The following PDSS2 variants were observed in gnomAD, a reference collection of about 807,000 sequenced individuals.
The protein encoded by PDSS2 is decaprenyl diphosphate synthase subunit 2, also known as all trans-polyprenyl-diphosphate synthase PDSS2.
A neutral mutation model predicts 44.5 loss-of-function variants in PDSS2; 31 were observed. The ratio of observed to expected loss-of-function variants is 0.70; its 90% CI spans 0.52 to 0.94. PDSS2 has a LOEUF of 0.94. PDSS2 is among the 40% of genes least tolerant of loss of function. PDSS2 has a pLI of 0.00. For missense variants in PDSS2, 452 were observed against 482.2 expected (o/e 0.94, Z 0.59); for synonymous variants, 157 against 180.3 (o/e 0.87, Z 1.03).
At chr6:107,367,274 A>G (rs1047665802) in intron 1 of PDSS2, among the ~76,000 whole-genome samples, 7 of 152,226 alleles carry the variant, frequency 4.6e-5, no homozygotes, top group African/African-American at 1.7e-4. Flanking sequence ...ACAGATGCAG[A>G]AAAGCATTTA....
chr6:107,155,526 AC>A (rs1770856239), intron 7 of PDSS2, among the ~76,000 whole-genome samples: 1 of 151,826 alleles, frequency 6.6e-6, no homozygotes, highest in Admixed American at 6.6e-5. Flanking sequence ...ATATGTTGAC[AC>A]AATAGTCCAT....
At chr6:107,246,714 CAT>C (rs1331151697) in intron 3 of PDSS2, among the ~76,000 whole-genome samples, 3 of 152,208 alleles carry the variant, frequency 2.0e-5, no homozygotes, top group African/African-American at 4.8e-5. Flanking sequence ...CATTTTAACA[CAT>C]GAGCACTTAT....
intron 7 of PDSS2, among the ~76,000 whole-genome samples, chr6:107,184,955 C>T: frequency 6.6e-6 from 1 of 151,030 alleles, no homozygotes; most frequent in South Asian, 2.1e-4. Context: ...AGTCATGAGA[C>T]AAATGATATG....
In PDSS2 at chr6:107,459,559, A is replaced by G; in HGVS notation, c.-274T>C. On this transcript the variant is annotated 5_prime_UTR_variant, in exon 1 of 8. Transcript: ENST00000369037. The surrounding 1 kb of genome is among the most constrained non-coding windows in gnomAD (Gnocchi z 4.3). Reference sequence around the variant, plus strand: ...GCCTATGTGGAGGACGCCATATTGGAGGCATGGAATGCGGCCTGCCGTAAA... The same window carrying G: ...GCCTATGTGGAGGACGCCATATTGGGGGCATGGAATGCGGCCTGCCGTAAA... 3 of 497,042 alleles carry G rather than the reference A, an allele frequency of 6.0e-6. No homozygotes were observed. Among genetic ancestry groups the G allele is most frequent in the South Asian group, 4.7e-5 (2 of 42,254 alleles). The allele number at this position is 497,042 out of a possible 1,614,324, so 30.8% of individuals were successfully genotyped here.
chr6:107,333,736 A>G (rs1777784652), intron 2 of PDSS2, among the ~76,000 whole-genome samples: 1 of 152,114 alleles, frequency 6.6e-6, no homozygotes, highest in African/African-American at 2.4e-5. Context: ...AGGGCTCACC[A>G]TGTTGTCCAG....
At chr6:107,192,225 T>C (rs1582763237) in intron 7 of PDSS2, 1 of 313,182 alleles carries the variant, frequency 3.2e-6, no homozygotes, top group Non-Finnish European at 6.1e-6. Context: ...GAGTGGCAGA[T>C]ATGGAAGCCC....
chr6:107,195,390 G>A (rs953299861), intron 6 of PDSS2, among the ~76,000 whole-genome samples: 2 of 150,138 alleles, frequency 1.3e-5, no homozygotes, highest in Non-Finnish European at 2.9e-5. Context: ...GCTGAGGTGA[G>A]AGGACTGCCT....
chr6:107,410,967 C>T (rs894806676), intron 1 of PDSS2, among the ~76,000 whole-genome samples: 4 of 152,116 alleles, frequency 2.6e-5, no homozygotes, highest in African/African-American at 9.7e-5. Flanking sequence ...TCACTGCAAC[C>T]TCTGCCCCCT....
chr6:107,200,930 G>A (rs1191243319), intron 6 of PDSS2, among the ~76,000 whole-genome samples: 1 of 152,076 alleles, frequency 6.6e-6, no homozygotes, highest in Non-Finnish European at 1.5e-5. Context: ...CTCCCAAAGC[G>A]TTGGGATTAC....
At chr6:107,216,193 G>C (rs1346871907) in intron 4 of PDSS2, among the ~76,000 whole-genome samples, 1 of 151,648 alleles carries the variant, frequency 6.6e-6, no homozygotes. Flanking sequence ...TAGGAATAAG[G>C]CCAGGTGAGG....
intron 1 of PDSS2, among the ~76,000 whole-genome samples, chr6:107,391,554 C>A (rs1779781801): frequency 1.3e-5 from 2 of 151,936 alleles, no homozygotes; most frequent in African/African-American, 4.8e-5. Context: ...ATGCTTTACC[C>A]CATTCAATAG....
At chr6:107,196,432 C>T (rs1223949767) in intron 6 of PDSS2, among the ~76,000 whole-genome samples, 2 of 152,328 alleles carry the variant, frequency 1.3e-5, no homozygotes, top group East Asian at 1.9e-4. Context: ...TTCTCAAACT[C>T]GCAGCTGACT....
In PDSS2 at chr6:107,176,429, T is replaced by TACACACACAC. The variant is rs71012784; in HGVS notation, c.1041+17383_1041+17392dup. 1.9e-3 allele frequency among the ~76,000 whole-genome samples: 279 copies of TACACACACAC among 149,800 alleles called. 1 individual carries two copies. Among genetic ancestry groups the TACACACACAC allele is most frequent in the African/African-American group, 6.3e-3 (256 of 40,626 alleles). ...TTCCCCCTTAACACACACACACACATACACACACACACACACACACACACA... is the reference window on the plus strand; with the variant it reads ...TTCCCCCTTAACACACACACACACATACACACACACACACACACACACACACACACACACA... On this transcript the variant is annotated intron_variant, in intron 7 of 7. Coordinates refer to ENST00000369037, the MANE Select transcript of PDSS2 (RefSeq NM_020381.4).
intron 4 of PDSS2, among the ~76,000 whole-genome samples, chr6:107,231,963 A>C (rs1361320683): frequency 7.3e-5 from 1 of 13,756 alleles, no homozygotes; most frequent in Non-Finnish European, 9.8e-5. Flanking sequence ...ACTCTGTCTC[A>C]AAAAAAAAAA....
intron 6 of PDSS2, among the ~76,000 whole-genome samples, chr6:107,195,992 A>G (rs1481261662): frequency 1.3e-5 from 2 of 152,198 alleles, no homozygotes; most frequent in African/African-American, 2.4e-5. Context: ...CAACCAATCT[A>G]CTATAAAAAG....
chr6:107,159,002 T>C (rs1771016268), intron 7 of PDSS2, among the ~76,000 whole-genome samples: 1 of 152,154 alleles, frequency 6.6e-6, no homozygotes, highest in African/African-American at 2.4e-5. Context: ...GTGCTGAGAT[T>C]ACAGGCGTGA....
At chr6:107,194,037 G>A (rs147272914) in intron 6 of PDSS2, among the ~76,000 whole-genome samples, 183 bp from the exon 7 acceptor site, 16 of 152,072 alleles carry the variant, frequency 1.1e-4, no homozygotes, top group Non-Finnish European at 1.5e-4. Flanking sequence ...AAAGTTAAAC[G>A]AACAGATCAC....
chr6:107,223,361 C>G (rs1351531998), intron 4 of PDSS2, among the ~76,000 whole-genome samples: 1 of 150,916 alleles, frequency 6.6e-6, no homozygotes, highest in Non-Finnish European at 1.5e-5. Flanking sequence ...GAAACTCTGT[C>G]TCTACCAAAA....
chr6:107,350,245 T>C (rs1315704431), intron 1 of PDSS2, among the ~76,000 whole-genome samples: 3 of 152,234 alleles, frequency 2.0e-5, no homozygotes, highest in Admixed American at 1.3e-4. Flanking sequence ...ACTTTCCCCC[T>C]TTATAATTAG....
Sources: allele counts gnomAD v4.1 joint callset (sites outside exome capture counted in the v4.1 genomes callset), GRCh38; gene constraint gnomAD v4.1.1; non-coding constraint Gnocchi (gnomAD v3.1); transcripts MANE v1.5; gene names NCBI Gene and HGNC (gene_info 2026-07-23, HGNC 2026-07-21).